STRN3: variants seen among roughly 807,000 people sequenced by gnomAD.
STRN3 encodes striatin-3.
STRN3 carries 29 observed loss-of-function variants against 95.6 expected under a neutral mutation model. The observed-to-expected ratio is 0.30, with a 90% CI of 0.23 to 0.41. The LOEUF (loss-of-function observed/expected upper bound fraction) is 0.41, where lower values mean the gene tolerates loss of function less well. Among genes scored for constraint, STRN3 ranks in the 10% least tolerant of loss-of-function variants. STRN3 has a pLI of 1.00. For missense variants in STRN3, 890 were observed against 972.1 expected (o/e 0.92, Z 1.12); for synonymous variants, 331 against 357.6 (o/e 0.93, Z 0.84).
chr14:30,931,124 A>C (rs1271712748), intron 7 of STRN3, among the ~76,000 whole-genome samples: 3 of 152,178 alleles, frequency 2.0e-5, no homozygotes, highest in Non-Finnish European at 4.4e-5. Flanking sequence ...AAGGAAAAAA[A>C]TATTACTTGC....
At chr14:30,928,252 T>C in intron 8 of STRN3, among the ~76,000 whole-genome samples, 1 of 152,220 alleles carries the variant, frequency 6.6e-6, no homozygotes, top group East Asian at 1.9e-4. Flanking sequence ...AAGGTTTTAC[T>C]GAAAGAAACT....
intron 1 of STRN3, among the ~76,000 whole-genome samples, chr14:30,981,530 G>A (rs1467649008): frequency 6.6e-6 from 1 of 151,322 alleles, no homozygotes; most frequent in Non-Finnish European, 1.5e-5. Flanking sequence ...TCACACAAGA[G>A]TTTCAAAACC....
At chr14:30,982,131 G>GAA (rs544432617) in intron 1 of STRN3, among the ~76,000 whole-genome samples, 2 of 145,314 alleles carry the variant, frequency 1.4e-5, no homozygotes, top group South Asian at 4.3e-4. Flanking sequence ...ATTCCAAGGG[G>GAA]AAAAAAAAAG....
At chr14:30,906,708 A>C (rs1234179406) in intron 14 of STRN3, among the ~76,000 whole-genome samples, 169 bp downstream of exon 14, 1 of 152,232 alleles carries the variant, frequency 6.6e-6, no homozygotes, top group Non-Finnish European at 1.5e-5. Context: ...TACAGGACAT[A>C]GTTGCAAAGC....
chr14:31,018,433 G>C (rs186481496), intron 1 of STRN3: 4 of 381,398 alleles, frequency 1.0e-5, no homozygotes, highest in Non-Finnish European at 1.5e-5. Context: ...ATTCTTTCTC[G>C]ACCCTTGTTC....
At chr14:30,944,493 C>CATAT (rs1201911447) in intron 5 of STRN3, among the ~76,000 whole-genome samples, 42 of 146,378 alleles carry the variant, frequency 2.9e-4, no homozygotes, top group East Asian at 2.2e-3. Context: ...AATATATACA[C>CATAT]ATATATATAC....
intron 3 of STRN3, among the ~76,000 whole-genome samples, chr14:30,954,683 A>C (rs1277582063): frequency 6.6e-6 from 1 of 152,186 alleles, no homozygotes; most frequent in Admixed American, 6.5e-5. Context: ...ATACAGATAA[A>C]AACAGATTGT....
At chr14:30,924,017 C>T (rs987845020) in intron 8 of STRN3, among the ~76,000 whole-genome samples, 27 of 151,810 alleles carry the variant, frequency 1.8e-4, no homozygotes, top group African/African-American at 6.3e-4. Context: ...CAAGCTCCTC[C>T]CAAATTACAG....
intron 1 of STRN3, among the ~76,000 whole-genome samples, chr14:30,977,271 C>T (rs1339724113): frequency 6.6e-6 from 1 of 151,894 alleles, no homozygotes; most frequent in Non-Finnish European, 1.5e-5. Flanking sequence ...TTGAAACCAA[C>T]AATTTAGCTT....
At chr14:30,932,547 GA>G (rs1488529833) in intron 7 of STRN3, 1 of 152,098 alleles carries the variant, frequency 6.6e-6, no homozygotes, top group African/African-American at 2.4e-5. Flanking sequence ...ATGTTTTAAA[GA>G]TAATATTTCC....
intron 1 of STRN3, among the ~76,000 whole-genome samples, chr14:31,007,995 C>G (rs1490606044): frequency 6.6e-6 from 1 of 151,878 alleles, no homozygotes; most frequent in Non-Finnish European, 1.5e-5. Context: ...GAGTTCAAGA[C>G]CAGCCTGGCC....
chr14:31,002,307 ACT>A (rs1024016557), intron 1 of STRN3, among the ~76,000 whole-genome samples: 13 of 151,768 alleles, frequency 8.6e-5, no homozygotes, highest in African/African-American at 2.9e-4. Context: ...ACCTATTTCT[ACT>A]AAAAATACAA....
At chr14:31,009,638 T>C (rs990028913) in intron 1 of STRN3, among the ~76,000 whole-genome samples, 3 of 150,290 alleles carry the variant, frequency 2.0e-5, no homozygotes, top group African/African-American at 7.3e-5. Flanking sequence ...TGTAACTTAA[T>C]TTTCATATAA....
intron 1 of STRN3, among the ~76,000 whole-genome samples, chr14:30,980,340 C>G (rs1285675855): frequency 6.6e-6 from 1 of 152,178 alleles, no homozygotes; most frequent in African/African-American, 2.4e-5. Flanking sequence ...AAACTTTCAA[C>G]TTTGATTCTG....
At chr14:30,930,698 A>G (rs1380412737) in intron 7 of STRN3, among the ~76,000 whole-genome samples, 4 of 152,166 alleles carry the variant, frequency 2.6e-5, no homozygotes, top group African/African-American at 9.6e-5. Context: ...ATACAGTTGT[A>G]AAGAGAAAAT....
At chr14:31,016,034 T>C (rs1207733585) in intron 1 of STRN3, among the ~76,000 whole-genome samples, 4 of 152,288 alleles carry the variant, frequency 2.6e-5, no homozygotes, top group East Asian at 1.9e-4. Context: ...ACTACCAAAA[T>C]GGTTAAAATC....
chr14:31,022,327 C>G (rs1485289516), intron 1 of STRN3, among the ~76,000 whole-genome samples: 3 of 150,848 alleles, frequency 2.0e-5, no homozygotes, highest in Non-Finnish European at 2.9e-5. Flanking sequence ...TTGCAGTGAG[C>G]CAAGATGGTG....
At chr14:30,923,694 TATAATATAGCTTAAGA>T (rs1397026284) in intron 8 of STRN3, among the ~76,000 whole-genome samples, 1 of 152,134 alleles carries the variant, frequency 6.6e-6, no homozygotes, top group Non-Finnish European at 1.5e-5. Flanking sequence ...ATTTTATAGG[TATAATATAGCTTAAGA>T]GTAACAACAG....
At chr14:30,962,311 A>G (rs1880249960) in intron 1 of STRN3, among the ~76,000 whole-genome samples, 1 of 152,238 alleles carries the variant, frequency 6.6e-6, no homozygotes, top group Admixed American at 6.5e-5. Flanking sequence ...TAAAACGCTG[A>G]AAAAATTAAA....
Sources: allele counts gnomAD v4.1 joint callset (sites outside exome capture counted in the v4.1 genomes callset), GRCh38; gene constraint gnomAD v4.1.1; transcripts MANE v1.5; gene names NCBI Gene and HGNC (gene_info 2026-07-23, HGNC 2026-07-21).